The following ASTN2 variants were observed in gnomAD, a reference collection of about 807,000 sequenced individuals.
ASTN2 encodes the protein astrotactin 2.
Under a neutral mutation model 139.8 loss-of-function variants are expected in ASTN2, and 54 were observed. The observed-to-expected ratio is 0.39, with a 90% CI of 0.31 to 0.48. ASTN2 has a LOEUF of 0.48. ASTN2 is among the 20% of genes least tolerant of loss of function. The pLI, the probability that ASTN2 is intolerant of heterozygous loss-of-function variation, is 0.95. For synonymous variants in ASTN2, 756 were observed against 719.5 expected (o/e 1.05, Z -0.81); for missense variants, 1,565 against 1,725.1 (o/e 0.91, Z 1.64).
At chr9:117,185,122 T>C (rs1207860100) in intron 3 of ASTN2, among the ~76,000 whole-genome samples, 1 of 152,200 alleles carries the variant, frequency 6.6e-6, no homozygotes, top group Admixed American at 6.5e-5. Context: ...CCTGACGTTA[T>C]AGATTGGCTT....
At chr9:116,549,451 C>T (rs967130977) in intron 19 of ASTN2, among the ~76,000 whole-genome samples, 1 of 152,184 alleles carries the variant, frequency 6.6e-6, no homozygotes, top group Non-Finnish European at 1.5e-5. Flanking sequence ...GCAACCCGGG[C>T]AAGAGCTCTG....
At chr9:116,864,942 A>C (rs538651913) in intron 10 of ASTN2, among the ~76,000 whole-genome samples, 2 of 152,278 alleles carry the variant, frequency 1.3e-5, no homozygotes, top group Admixed American at 6.5e-5. Context: ...TCCTCTGATC[A>C]ATAGCTTCCC....
intron 1 of ASTN2, among the ~76,000 whole-genome samples, chr9:117,302,024 C>T (rs902123839): frequency 5.5e-5 from 8 of 144,280 alleles, no homozygotes; most frequent in East Asian, 4.2e-4. Flanking sequence ...TCTGTCTTCT[C>T]GTCACTCTTT....
chr9:117,325,131 A>C (rs1206999456), intron 1 of ASTN2, among the ~76,000 whole-genome samples: 1 of 152,176 alleles, frequency 6.6e-6, no homozygotes, highest in African/African-American at 2.4e-5. Flanking sequence ...TTATTAATAA[A>C]ACAAGCAGAC....
chr9:117,143,830 C>T (rs1830130822), intron 3 of ASTN2, among the ~76,000 whole-genome samples: 1 of 151,912 alleles, frequency 6.6e-6, no homozygotes, highest in Non-Finnish European at 1.5e-5. Context: ...AAAAAAACCT[C>T]TCCCTTCCTC....
At chr9:117,166,372 A>T (rs769402013) in intron 3 of ASTN2, among the ~76,000 whole-genome samples, 1 of 152,008 alleles carries the variant, frequency 6.6e-6, no homozygotes, top group Non-Finnish European at 1.5e-5. Flanking sequence ...AGTCAATTTG[A>T]TCTGCCAAAA....
At chr9:117,289,169 C>T (rs1202383627) in intron 2 of ASTN2, among the ~76,000 whole-genome samples, 1 of 152,092 alleles carries the variant, frequency 6.6e-6, no homozygotes, top group East Asian at 1.9e-4. Flanking sequence ...GACTCTGTTC[C>T]CTGAGGGGAG....
chr9:116,646,134 C>T (rs938313794), intron 17 of ASTN2, among the ~76,000 whole-genome samples: 6 of 152,162 alleles, frequency 3.9e-5, no homozygotes, highest in Non-Finnish European at 5.9e-5. Context: ...ATTGAGGAAA[C>T]ATCCAAACCC....
chr9:116,825,687 G>A (rs934084096), intron 11 of ASTN2, among the ~76,000 whole-genome samples: 5 of 152,214 alleles, frequency 3.3e-5, no homozygotes, highest in Non-Finnish European at 7.3e-5. Flanking sequence ...GAAACAGTAA[G>A]AGAGAAACCC....
chr9:116,928,901 C>G (rs1466077276), intron 10 of ASTN2, among the ~76,000 whole-genome samples: 4 of 152,132 alleles, frequency 2.6e-5, no homozygotes, highest in Admixed American at 1.3e-4. Context: ...ATTCTGATCT[C>G]TATTTTACAA....
At chr9:116,850,545 C>G (rs1832571118) in intron 11 of ASTN2, among the ~76,000 whole-genome samples, 1 of 152,134 alleles carries the variant, frequency 6.6e-6, no homozygotes. Context: ...CATGTCACTT[C>G]CCTTTCTGAG....
intron 4 of ASTN2, among the ~76,000 whole-genome samples, chr9:117,134,289 TATATATACACACACAC>T (rs796918737): frequency 0.15 from 12,295 of 80,494 alleles, 711 homozygotes; most frequent in Middle Eastern, 0.24. Flanking sequence ...TATATATATA[TATATATACACACACAC>T]ACACACACAC....
intron 1 of ASTN2, among the ~76,000 whole-genome samples, chr9:117,310,099 T>C (rs1257326112): frequency 6.6e-6 from 1 of 152,172 alleles, no homozygotes; most frequent in Non-Finnish European, 1.5e-5. Flanking sequence ...GAGCCAAACA[T>C]ATATGTATGT....
chr9:117,230,698 G>C (rs555159054), intron 2 of ASTN2, among the ~76,000 whole-genome samples: 3 of 152,248 alleles, frequency 2.0e-5, no homozygotes, highest in African/African-American at 2.4e-5. Flanking sequence ...AGCCAGGAAA[G>C]AAAAGGTCTA....
intron 10 of ASTN2, among the ~76,000 whole-genome samples, chr9:116,889,212 A>T (rs1833695675): frequency 6.6e-6 from 1 of 152,062 alleles, no homozygotes; most frequent in Admixed American, 6.6e-5. Context: ...GAAGAGAAGG[A>T]AGCAAAAGAA....
intron 16 of ASTN2, among the ~76,000 whole-genome samples, chr9:116,670,296 G>A (rs1392501368): frequency 1.3e-5 from 2 of 152,146 alleles, no homozygotes; most frequent in Non-Finnish European, 2.9e-5. Flanking sequence ...TAATCACCAT[G>A]ATGATGATAT....
intron 1 of ASTN2, among the ~76,000 whole-genome samples, chr9:117,339,099 C>T (rs1828983594): frequency 6.6e-6 from 1 of 152,058 alleles, no homozygotes; most frequent in Non-Finnish European, 1.5e-5. Context: ...GTAATGGGCA[C>T]AGCAGGATTT....
Position 116,503,756 on chromosome 9 carries a change from G to A in ASTN2, c.3356-16256C>T, listed in dbSNP as rs147434929. Among the ~76,000 whole-genome samples, 6 of 152,254 alleles carry A rather than the reference G, an allele frequency of 3.9e-5. No individual in the cohort carries two copies. The East Asian group carries it at 1.2e-3, about 29-fold the overall frequency. Reference sequence around the variant, plus strand: ...ATATGAGTGTGTTCGTGTGGTGTAAGTAATCTTTCCAATTTGTGCAGCTCA... The same window carrying A: ...ATATGAGTGTGTTCGTGTGGTGTAAATAATCTTTCCAATTTGTGCAGCTCA... On this transcript the variant is annotated intron_variant, in intron 19 of 22. Coordinates refer to ENST00000313400, the MANE Select transcript of ASTN2 (RefSeq NM_001365068.1).
intron 3 of ASTN2, among the ~76,000 whole-genome samples, chr9:117,187,588 C>T (rs1831233961): frequency 6.6e-6 from 1 of 152,110 alleles, no homozygotes; most frequent in Non-Finnish European, 1.5e-5. Flanking sequence ...GGTTAGTTAT[C>T]ACAAGAGTGA....
Sources: allele counts gnomAD v4.1 joint callset (sites outside exome capture counted in the v4.1 genomes callset), GRCh38; gene constraint gnomAD v4.1.1; transcripts MANE v1.5; gene names NCBI Gene and HGNC (gene_info 2026-07-23, HGNC 2026-07-21).